Variants in ROBO2 observed in about 807,000 individuals in gnomAD.
The protein encoded by ROBO2 is roundabout guidance receptor 2, also known as roundabout homolog 2.
In ROBO2, 53 loss-of-function variants were observed where a neutral mutation model predicts 160.8. The observed-to-expected ratio is 0.33, with a 90% CI of 0.26 to 0.41. The LOEUF (loss-of-function observed/expected upper bound fraction) is 0.41, where lower values mean the gene tolerates loss of function less well. Ranked by LOEUF, ROBO2 falls within the 10% of genes least tolerant of loss-of-function variation. The probability of loss-of-function intolerance (pLI) is 1.00; values close to 1 mark genes in which losing one functional copy is unlikely to be tolerated. For synonymous variants in ROBO2, 664 were observed against 611.7 expected (o/e 1.09, Z -1.26); for missense variants, 1,577 against 1,722.4 (o/e 0.92, Z 1.49).
intron 2 of ROBO2, among the ~76,000 whole-genome samples, chr3:76,417,902 G>C (rs994119877): frequency 1.3e-5 from 2 of 151,804 alleles, no homozygotes; most frequent in Non-Finnish European, 2.9e-5. Context: ...GAAGTATTAG[G>C]TTGATGCAAA....
At chr3:76,127,425 G>T (rs2071031679) in intron 2 of ROBO2, among the ~76,000 whole-genome samples, 1 of 151,846 alleles carries the variant, frequency 6.6e-6, no homozygotes, top group South Asian at 2.1e-4. Context: ...AAAGCAAATA[G>T]ACTCTAGGAT....
chr3:76,246,698 AT>A (rs1318574044), intron 2 of ROBO2, among the ~76,000 whole-genome samples: 4 of 152,124 alleles, frequency 2.6e-5, no homozygotes, highest in Non-Finnish European at 5.9e-5. Flanking sequence ...TTGAGTGAGA[AT>A]TTTAGGCATG....
At chr3:76,303,939 A>T (rs1355792050) in intron 2 of ROBO2, among the ~76,000 whole-genome samples, 1 of 152,192 alleles carries the variant, frequency 6.6e-6, no homozygotes, top group Non-Finnish European at 1.5e-5. Context: ...GAATTCAGAG[A>T]TGTTCACTCT....
At chr3:76,556,956 TATTTA>T (rs2083833777) in intron 2 of ROBO2, among the ~76,000 whole-genome samples, 1 of 152,152 alleles carries the variant, frequency 6.6e-6, no homozygotes, top group Non-Finnish European at 1.5e-5. Flanking sequence ...ATGCTTTTAT[TATTTA>T]ATTTATCATA....
At chr3:77,632,203 C>T (rs1010013159) in intron 23 of ROBO2, 2 of 257,452 alleles carry the variant, frequency 7.8e-6, no homozygotes, top group Admixed American at 1.1e-4. Flanking sequence ...TTTTGGAAAA[C>T]GATTGTGTAA....
chr3:77,214,704 G>T (rs2084683462), intron 2 of ROBO2, among the ~76,000 whole-genome samples: 1 of 152,260 alleles, frequency 6.6e-6, no homozygotes, highest in African/African-American at 2.4e-5. Context: ...GCATGTTTTT[G>T]CAGTGGCTGG....
chr3:75,929,172 CG>C (rs1330169344), intron 1 of ROBO2, among the ~76,000 whole-genome samples: 5 of 113,604 alleles, frequency 4.4e-5, no homozygotes, highest in African/African-American at 1.8e-4. Flanking sequence ...CTGGATAAGA[CG>C]TGTGTGTGTG....
intron 1 of ROBO2, among the ~76,000 whole-genome samples, chr3:77,085,312 A>C (rs11709576): frequency 0.013 from 1,949 of 152,192 alleles, 25 homozygotes; most frequent in Non-Finnish European, 0.018. Flanking sequence ...ACAACTCCAA[A>C]ATTTTCTATA....
In ROBO2 at chr3:76,548,049, CT is replaced by C. The variant is rs1418218614; in HGVS notation, c.110-549961del. Among the ~76,000 whole-genome samples, 3 of 152,192 alleles carry C rather than the reference CT, an allele frequency of 2.0e-5. No individual in the cohort carries two copies. In the East Asian group the frequency reaches 5.8e-4, roughly 29 times the overall value. ...CATGCCATATTCCTAAATCAATCAC[CT>C]TTTCACTTGCACAGAATGGTGCATA... is the stretch of plus-strand genomic sequence containing the variant. On this transcript the variant is annotated intron_variant, in intron 2 of 26. Coordinates refer to the ROBO2 transcript ENST00000487694.
intron 2 of ROBO2, among the ~76,000 whole-genome samples, chr3:76,338,118 G>T (rs1025934309): frequency 1.3e-5 from 2 of 152,068 alleles, no homozygotes; most frequent in Non-Finnish European, 2.9e-5. Flanking sequence ...ATGTATTTGA[G>T]ACTTTAAGTA....
At chr3:77,011,561 G>C (rs1283600493) in intron 2 of ROBO2, among the ~76,000 whole-genome samples, 10 of 151,870 alleles carry the variant, frequency 6.6e-5, no homozygotes. Context: ...GGTAAGGGGA[G>C]GGTGAGCTCA....
intron 2 of ROBO2, among the ~76,000 whole-genome samples, chr3:77,349,806 T>C (rs1320906095): frequency 6.6e-6 from 1 of 152,098 alleles, no homozygotes; most frequent in East Asian, 1.9e-4. Context: ...GGCCTTTCTT[T>C]GTCACCCCAC....
chr3:77,259,370 G>A (rs1029637220), intron 2 of ROBO2, among the ~76,000 whole-genome samples: 6 of 152,156 alleles, frequency 3.9e-5, no homozygotes, highest in Non-Finnish European at 5.9e-5. Context: ...TCTGGTGCTT[G>A]GAACCATGCC....
chr3:77,344,253 A>T (rs973932935), intron 2 of ROBO2, among the ~76,000 whole-genome samples: 11 of 152,198 alleles, frequency 7.2e-5, no homozygotes, highest in Non-Finnish European at 4.4e-5. Context: ...TCTTTCATAT[A>T]TCAAAAATAT....
intron 1 of ROBO2, among the ~76,000 whole-genome samples, chr3:77,049,360 G>T (rs1404542247): frequency 1.2e-4 from 19 of 152,074 alleles, no homozygotes; most frequent in Non-Finnish European, 2.9e-5. Flanking sequence ...GGCTTGAAAA[G>T]AATTATCCAA....
chr3:76,562,604 A>G (rs1266963197), intron 2 of ROBO2, among the ~76,000 whole-genome samples: 1 of 152,134 alleles, frequency 6.6e-6, no homozygotes, highest in African/African-American at 2.4e-5. Flanking sequence ...CAACCAATGG[A>G]GAATAAAAGT....
At chr3:77,311,701 C>T (rs1307455036) in intron 2 of ROBO2, among the ~76,000 whole-genome samples, 1 of 152,160 alleles carries the variant, frequency 6.6e-6, no homozygotes, top group East Asian at 1.9e-4. Context: ...GTAGGATATG[C>T]TTTAATGTGG....
chr3:76,619,955 A>G (rs1397106911), intron 2 of ROBO2, among the ~76,000 whole-genome samples: 1 of 152,110 alleles, frequency 6.6e-6, no homozygotes, highest in Non-Finnish European at 1.5e-5. Context: ...ATAATAAAAA[A>G]TAATTATAAT....
At chr3:76,664,205 C>T (rs534589903) in intron 2 of ROBO2, among the ~76,000 whole-genome samples, 61 of 152,206 alleles carry the variant, frequency 4.0e-4, no homozygotes, top group Middle Eastern at 3.4e-3. Context: ...TATGTCTATT[C>T]TAATTGTCTA....
Sources: gnomAD v4.1 joint callset for allele counts (sites outside exome capture counted in the v4.1 genomes callset) on GRCh38, gnomAD v4.1.1 for gene constraint, MANE v1.5 for transcripts, NCBI Gene and HGNC (gene_info 2026-07-23, HGNC 2026-07-21) for gene names.